RIMS2: variants seen among roughly 807,000 people sequenced by gnomAD.
RIMS2 encodes regulating synaptic membrane exocytosis 2.
Under a neutral mutation model 174.4 loss-of-function variants are expected in RIMS2, and 59 were observed. The observed-to-expected ratio is 0.34, with a 90% CI of 0.27 to 0.42. The LOEUF (loss-of-function observed/expected upper bound fraction) is 0.42, where lower values mean the gene tolerates loss of function less well. Ranked by LOEUF, RIMS2 falls within the 10% of genes least tolerant of loss-of-function variation. The probability of loss-of-function intolerance (pLI) is 1.00; values close to 1 mark genes in which losing one functional copy is unlikely to be tolerated. For missense variants in RIMS2, 1,620 were observed against 1,666.3 expected (o/e 0.97, Z 0.48); for synonymous variants, 606 against 572.5 (o/e 1.06, Z -0.84).
At chr8:104,134,636 A>G (rs1285915826) in intron 19 of RIMS2, among the ~76,000 whole-genome samples, 4 of 152,172 alleles carry the variant, frequency 2.6e-5, no homozygotes, top group Non-Finnish European at 5.9e-5. Context: ...TGTTTGTGCT[A>G]TTAATTGTTG....
chr8:103,899,006 A>T (rs1215473140), intron 4 of RIMS2, among the ~76,000 whole-genome samples: 3 of 151,426 alleles, frequency 2.0e-5, no homozygotes, highest in Non-Finnish European at 4.4e-5. Flanking sequence ...TTTGCTGAGA[A>T]TGGTGGTTTC....
chr8:103,963,698 A>T (rs1263591750), intron 15 of RIMS2, among the ~76,000 whole-genome samples: 1 of 152,138 alleles, frequency 6.6e-6, no homozygotes, highest in Non-Finnish European at 1.5e-5. Context: ...ACCTACTTTG[A>T]CACATCATAA....
chr8:103,974,399 A>G (rs535646261), intron 15 of RIMS2, among the ~76,000 whole-genome samples: 18 of 152,326 alleles, frequency 1.2e-4, no homozygotes, highest in Admixed American at 7.2e-4. Flanking sequence ...GATGAAGATA[A>G]TGGTGGTAGT....
intron 2 of RIMS2, among the ~76,000 whole-genome samples, chr8:103,741,875 T>C (rs1343687254): frequency 1.3e-5 from 2 of 152,112 alleles, no homozygotes; most frequent in Non-Finnish European, 2.9e-5. Flanking sequence ...TGAAACTTTC[T>C]GTCAGAGAAA....
chr8:103,570,287 TAG>T (rs1199595317), intron 1 of RIMS2, among the ~76,000 whole-genome samples: 3 of 152,294 alleles, frequency 2.0e-5, no homozygotes, highest in Admixed American at 2.0e-4. Flanking sequence ...CCACAAAGAA[TAG>T]AGTTTTGGAA....
intron 2 of RIMS2, among the ~76,000 whole-genome samples, chr8:103,750,960 C>A (rs972946251): frequency 6.6e-6 from 1 of 152,108 alleles, no homozygotes; most frequent in South Asian, 2.1e-4. Context: ...GGGGGCAGGT[C>A]TTTCTCGTGT....
chr8:103,756,487 G>A (rs2098011870), intron 2 of RIMS2, among the ~76,000 whole-genome samples: 2 of 149,632 alleles, frequency 1.3e-5, no homozygotes, highest in South Asian at 2.1e-4. Context: ...CCAGGCTGGA[G>A]TGCAGTGGCA....
intron 1 of RIMS2, chr8:103,568,600 CTG>C (rs1334553418): frequency 3.7e-6 from 2 of 545,902 alleles, no homozygotes; most frequent in Non-Finnish European, 7.1e-6. Flanking sequence ...TCAGCTGTAA[CTG>C]TGATCAGTTG....
At chr8:103,741,291 G>A (rs180772353) in intron 2 of RIMS2, among the ~76,000 whole-genome samples, 142 of 151,984 alleles carry the variant, frequency 9.3e-4, no homozygotes, top group African/African-American at 3.0e-3. Context: ...TATTTCCTTC[G>A]TTTTTATAGA....
At position 103,837,383 on chromosome 8, in the gene RIMS2, T is replaced by A. The variant is rs150150873; in HGVS notation, c.699-47915T>A. ...GCTCTCAGCTTCTAGAGGATTTTTT[T>A]AAATTATATTTTAAGTTTTAGGGTA... On this transcript the variant is annotated intron_variant, in intron 3 of 23. Coordinates refer to ENST00000504942, the Ensembl canonical transcript of RIMS2. Among the ~76,000 whole-genome samples the A allele has an allele frequency of 5.1e-3, 781 of 152,368 alleles. 24 individuals carry two copies. Among genetic ancestry groups the A allele is most frequent in the Admixed American group, 0.035 (538 of 15,302 alleles).
At chr8:103,916,151 T>A (rs2076595088) in intron 7 of RIMS2, among the ~76,000 whole-genome samples, 2 of 152,064 alleles carry the variant, frequency 1.3e-5, no homozygotes, top group Admixed American at 1.3e-4. Context: ...GATAGTTGCT[T>A]AGAATTCGAA....
intron 1 of RIMS2, among the ~76,000 whole-genome samples, chr8:103,626,829 G>T (rs991451147): frequency 1.3e-5 from 2 of 148,480 alleles, no homozygotes; most frequent in Non-Finnish European, 2.9e-5. Flanking sequence ...TAAAAGGGGA[G>T]GGGGGGTGTA....
At chr8:103,781,117 T>G (rs1254742296) in intron 3 of RIMS2, among the ~76,000 whole-genome samples, 2 of 152,186 alleles carry the variant, frequency 1.3e-5, no homozygotes, top group African/African-American at 4.8e-5. Context: ...CATGGTGCTG[T>G]GGAATAGCCC....
intron 19 of RIMS2, among the ~76,000 whole-genome samples, chr8:104,215,501 T>C (rs185415784): frequency 1.6e-3 from 246 of 152,348 alleles, no homozygotes; most frequent in Middle Eastern, 6.8e-3. Context: ...GTTATTGACA[T>C]TGGTATCTGA....
At chr8:103,903,054 C>T (rs1337812687) in intron 4 of RIMS2, among the ~76,000 whole-genome samples, 6 of 151,992 alleles carry the variant, frequency 3.9e-5, no homozygotes, top group African/African-American at 1.4e-4. Context: ...ATGTTCCCTA[C>T]CTAATTAGAA....
intron 19 of RIMS2, among the ~76,000 whole-genome samples, chr8:104,109,314 A>AAG (rs2098135541): frequency 6.6e-6 from 1 of 151,364 alleles, no homozygotes. Context: ...AAAAAAAAAA[A>AAG]AAAGAAATAA....
At chr8:103,678,913 T>C (rs1339913836) in intron 1 of RIMS2, among the ~76,000 whole-genome samples, 1 of 152,010 alleles carries the variant, frequency 6.6e-6, no homozygotes, top group Non-Finnish European at 1.5e-5. Flanking sequence ...GGATTGGCAA[T>C]AAATGCCGAC....
At chr8:103,741,221 A>T (rs2097758680) in intron 2 of RIMS2, among the ~76,000 whole-genome samples, 1 of 152,056 alleles carries the variant, frequency 6.6e-6, no homozygotes, top group African/African-American at 2.4e-5. Flanking sequence ...TTGTTCATAA[A>T]TCCATGGACA....
intron 19 of RIMS2, among the ~76,000 whole-genome samples, chr8:104,160,612 G>A (rs538499821): frequency 6.6e-6 from 1 of 152,246 alleles, no homozygotes; most frequent in East Asian, 1.9e-4. Flanking sequence ...CATGAAGGTT[G>A]CAGTCATAAT....
Sources: allele counts gnomAD v4.1 joint callset (sites outside exome capture counted in the v4.1 genomes callset), GRCh38; gene constraint gnomAD v4.1.1; transcripts MANE v1.5; gene names NCBI Gene and HGNC (gene_info 2026-07-23, HGNC 2026-07-21).